Variants in ARHGAP26 observed in about 807,000 individuals in gnomAD.
The protein encoded by ARHGAP26 is rho GTPase-activating protein 26.
In ARHGAP26, 38 loss-of-function variants were observed where a neutral mutation model predicts 104.8. That is an observed-to-expected ratio of 0.36 (90% CI 0.28 to 0.48). ARHGAP26 has a LOEUF of 0.48. Ranked by LOEUF, ARHGAP26 falls within the 20% of genes least tolerant of loss-of-function variation. The pLI, the probability that ARHGAP26 is intolerant of heterozygous loss-of-function variation, is 0.99. For missense variants in ARHGAP26, 704 were observed against 947.9 expected (o/e 0.74, Z 3.38); for synonymous variants, 341 against 340.0 (o/e 1.00, Z -0.03).
chr5:142,775,249 C>T (rs961801308), intron 1 of ARHGAP26, among the ~76,000 whole-genome samples: 1 of 152,172 alleles, frequency 6.6e-6, no homozygotes, highest in Non-Finnish European at 1.5e-5. Context: ...TGTTGCTCTA[C>T]ATTCTGCTCA....
intron 1 of ARHGAP26, among the ~76,000 whole-genome samples, chr5:142,872,051 G>A (rs965038149): frequency 3.9e-5 from 6 of 152,154 alleles, no homozygotes; most frequent in Non-Finnish European, 7.3e-5. Context: ...CAGCAGCACA[G>A]CCCACGCCCA....
intron 14 of ARHGAP26, among the ~76,000 whole-genome samples, chr5:143,044,383 C>T (rs973311480): frequency 6.6e-6 from 1 of 152,148 alleles, no homozygotes; most frequent in Non-Finnish European, 1.5e-5. Flanking sequence ...CAGACAGGTT[C>T]AGCCTCTGCA....
chr5:143,053,615 T>G (rs1305617321), intron 14 of ARHGAP26, among the ~76,000 whole-genome samples: 1 of 152,246 alleles, frequency 6.6e-6, no homozygotes, highest in African/African-American at 2.4e-5. Flanking sequence ...TCATACATGC[T>G]TGTTTAAAAT....
At chr5:142,795,489 G>A (rs1760806390) in intron 1 of ARHGAP26, among the ~76,000 whole-genome samples, 1 of 152,132 alleles carries the variant, frequency 6.6e-6, no homozygotes, top group African/African-American at 2.4e-5. Context: ...GGAACTTGGT[G>A]CCAATCTCAG....
chr5:143,007,194 GAAAAAA>G (rs34602049), intron 11 of ARHGAP26, among the ~76,000 whole-genome samples: 2 of 69,584 alleles, frequency 2.9e-5, no homozygotes, highest in Non-Finnish European at 5.7e-5. Context: ...CTCTGTCTCC[GAAAAAA>G]AAAAAAAAAA....
At chr5:142,799,596 T>C (rs1350328174) in intron 1 of ARHGAP26, among the ~76,000 whole-genome samples, 4 of 152,176 alleles carry the variant, frequency 2.6e-5, no homozygotes, top group South Asian at 2.1e-4. Flanking sequence ...GGGTAACTTA[T>C]AACCAACAGA....
At chr5:142,819,175 C>T (rs375614273) in intron 1 of ARHGAP26, among the ~76,000 whole-genome samples, 3 of 152,184 alleles carry the variant, frequency 2.0e-5, no homozygotes, top group East Asian at 1.9e-4. Context: ...CAGGAGGTCA[C>T]CCTAGTCCAA....
intron 1 of ARHGAP26, among the ~76,000 whole-genome samples, chr5:142,845,160 C>T (rs1362427929): frequency 6.6e-6 from 1 of 152,158 alleles, no homozygotes; most frequent in Non-Finnish European, 1.5e-5. Context: ...TTCTCTTCCT[C>T]AGTTGGGTTA....
chr5:142,903,236 G>A (rs1462039668), intron 7 of ARHGAP26, among the ~76,000 whole-genome samples: 1 of 152,172 alleles, frequency 6.6e-6, no homozygotes, highest in Admixed American at 6.5e-5. Context: ...CACCTGGGAG[G>A]CTTATCGTAA....
At chr5:143,125,561 GAAAT>G (rs768788834) in intron 18 of ARHGAP26, among the ~76,000 whole-genome samples, 2 of 152,102 alleles carry the variant, frequency 1.3e-5, no homozygotes, top group Non-Finnish European at 2.9e-5. Context: ...ACAATTCTGG[GAAAT>G]AAATATCCTA....
intron 1 of ARHGAP26, among the ~76,000 whole-genome samples, chr5:142,830,381 G>T (rs773791772): frequency 6.6e-6 from 1 of 152,120 alleles, no homozygotes; most frequent in African/African-American, 2.4e-5. Context: ...AAATTATTTT[G>T]TGGTGATAAT....
intron 10 of ARHGAP26, among the ~76,000 whole-genome samples, chr5:142,928,343 G>A (rs17099709): frequency 0.13 from 20,202 of 151,732 alleles, 3,637 homozygotes; most frequent in African/African-American, 0.4. Flanking sequence ...TATTCTGGAC[G>A]CTATTGAATT....
chr5:142,814,591 G>A (rs115667759), intron 1 of ARHGAP26, among the ~76,000 whole-genome samples: 1 of 152,164 alleles, frequency 6.6e-6, no homozygotes, highest in Non-Finnish European at 1.5e-5. Flanking sequence ...AGTACAACAA[G>A]GTGAGATAAA....
intron 1 of ARHGAP26, among the ~76,000 whole-genome samples, chr5:142,844,595 T>A (rs994419907): frequency 6.6e-6 from 1 of 151,964 alleles, no homozygotes; most frequent in Non-Finnish European, 1.5e-5. Flanking sequence ...CTGGGCGTAG[T>A]GGCTCACGTC....
intron 1 of ARHGAP26, among the ~76,000 whole-genome samples, chr5:142,771,600 C>G (rs1354304574): frequency 6.6e-6 from 1 of 151,990 alleles, no homozygotes; most frequent in Non-Finnish European, 1.5e-5. Flanking sequence ...AAACTGTGGG[C>G]GAGGGTTTAA....
chr5:142,869,214 T>TA (rs1223607862), intron 1 of ARHGAP26, among the ~76,000 whole-genome samples: 1 of 148,550 alleles, frequency 6.7e-6, no homozygotes, highest in Non-Finnish European at 1.5e-5. Context: ...TTTTCTTTTT[T>TA]TTTTTTTTTT....
At chr5:142,878,359 G>C (rs1756424192) in intron 3 of ARHGAP26, among the ~76,000 whole-genome samples, 1 of 152,190 alleles carries the variant, frequency 6.6e-6, no homozygotes, top group Non-Finnish European at 1.5e-5. Context: ...AGCCCAGAGA[G>C]GTTAAATGTT....
At chr5:142,939,152 C>T (rs570170867) in intron 11 of ARHGAP26, among the ~76,000 whole-genome samples, 1 of 152,056 alleles carries the variant, frequency 6.6e-6, no homozygotes, top group East Asian at 1.9e-4. Context: ...GGGAACACTG[C>T]CTAAAAAAGG....
chr5:143,022,653 A>G (rs1030189583), intron 12 of ARHGAP26, among the ~76,000 whole-genome samples: 1 of 152,186 alleles, frequency 6.6e-6, no homozygotes, highest in Non-Finnish European at 1.5e-5. Context: ...ATGGGATGGC[A>G]TGAGGTTTTG....
Sources: allele counts gnomAD v4.1 joint callset (sites outside exome capture counted in the v4.1 genomes callset), GRCh38; gene constraint gnomAD v4.1.1; transcripts MANE v1.5; gene names NCBI Gene and HGNC (gene_info 2026-07-23, HGNC 2026-07-21).